The following AHNAK variants were observed in gnomAD, a reference collection of about 807,000 sequenced individuals.
AHNAK encodes neuroblast differentiation-associated protein AHNAK.
In AHNAK, 23 loss-of-function variants were observed where a neutral mutation model predicts 37.8. The observed-to-expected ratio is 0.61, with a 90% CI of 0.44 to 0.86. The LOEUF is 0.86. Ranked by LOEUF, AHNAK falls within the 40% of genes least tolerant of loss-of-function variation. The probability of loss-of-function intolerance (pLI) is 0.00; values close to 1 mark genes in which losing one functional copy is unlikely to be tolerated. For synonymous variants in AHNAK, 2,481 were observed against 2,636.3 expected (o/e 0.94, Z 1.80); for missense variants, 7,411 against 7,319.4 (o/e 1.01, Z -0.46).
rs554640035 is a variant in AHNAK at position 62,485,498 on chromosome 11, C to T, written c.442+6234G>A. ...CGGGCGGATCACAAGGTCAGGAGAT[C>T]GAGACCATCCTGGCTAACACGGTGA... On this transcript the variant is annotated intron_variant, in intron 5 of 5. Transcript: ENST00000257247. Among the ~76,000 whole-genome samples, 227 of 151,926 alleles carry T rather than the reference C, an allele frequency of 1.5e-3. 2 individuals carry two copies. Among genetic ancestry groups the T allele is most frequent in the African/African-American group, 5.2e-3 (217 of 41,444 alleles).
At chr11:62,535,231 C>A in intron 3 of AHNAK, 41 bp from the exon 4 acceptor site, 1 of 1,575,306 alleles carries the variant, frequency 6.3e-7, no homozygotes, top group Non-Finnish European at 8.7e-7. Flanking sequence ...GCCCAAAGAG[C>A]CTCAGGGAAA....
chr11:62,522,446 T>C lies in AHNAK; in HGVS notation c.11971A>G (p.Met3991Val), dbSNP rs1320869878. Residue 3991 changes from methionine to valine, a missense_variant, in exon 5 of 5, where the codon ATG becomes GTG. Physicochemically the swap from Met to Val is conservative, Grantham distance 21 (BLOSUM62 1). Transcript: ENST00000378024. ...GGGGCTTTGATGTTCATCTCTGGCA[T>C]CTTGAATTTAGGGCCCTTCAGTTTC... The part of the protein sequence containing the change: ...DAKLKGPKFK[M>V]PEMNIKAPKI... 3 of 1,613,718 alleles carry C rather than the reference T, an allele frequency of 1.9e-6. No homozygotes were observed. The East Asian group carries it at 6.7e-5, about 36-fold the overall frequency.
At chr11:62,447,950 A>G (rs895049367) in intron 5 of AHNAK, among the ~76,000 whole-genome samples, 12 of 152,112 alleles carry the variant, frequency 7.9e-5, no homozygotes, top group Admixed American at 7.2e-4. Flanking sequence ...TGACTGGCTA[A>G]AGAGGATGCT....
chr11:62,519,283 T>C lies in AHNAK; in HGVS notation c.15134A>G (p.Asn5045Ser). The C allele has an allele frequency of 1.2e-6, 2 of 1,614,148 alleles. No individual in the cohort carries two copies. Among genetic ancestry groups the C allele is most frequent in the South Asian group, 2.2e-5 (2 of 91,078 alleles). The part of the protein sequence containing the change: ...IKAKKQGFDL[N>S]VPGGEIDASL... Reference sequence around the variant, plus strand: ...GGCATCAATTTCACCCCCAGGAACATTCAGGTCAAATCCCTGTTTTTTGGC... The same window carrying C: ...GGCATCAATTTCACCCCCAGGAACACTCAGGTCAAATCCCTGTTTTTTGGC... The change falls in exon 5 of 5, where the codon AAT (asparagine) becomes AGT (serine). Residue 5045 changes from asparagine (N) to serine (S), a missense_variant. Asn to Ser is a conservative substitution (Grantham distance 46). Coordinates refer to ENST00000378024, the MANE Select transcript of AHNAK (RefSeq NM_001620.3).
At chr11:62,544,546 C>T (rs1471516832) in intron 1 of AHNAK, among the ~76,000 whole-genome samples, 1 of 152,160 alleles carries the variant, frequency 6.6e-6, no homozygotes, top group Non-Finnish European at 1.5e-5. Context: ...TAGCTCCACT[C>T]TTACCCTCCC....
intron 5 of AHNAK, among the ~76,000 whole-genome samples, chr11:62,445,710 C>T (rs1453912133): frequency 6.6e-6 from 1 of 151,792 alleles, no homozygotes. Context: ...CAGAGCAAGA[C>T]CCTGTCTCAA....
At position 62,521,999 on chromosome 11, in the gene AHNAK, C is replaced by A. The variant is rs1264222366; in HGVS notation, c.12418G>T (p.Gly4140Cys). Residue 4140 changes from glycine (G) to cysteine (C), a missense_variant, in exon 5 of 5, where the codon GGT becomes TGT. Transcript: ENST00000378024. Reference sequence around the variant, plus strand: ...TCCACGTCGCCCTTCATCTTTGGACCTTTCAGATTCAGGTCAACTTCAGGC... The same window carrying A: ...TCCACGTCGCCCTTCATCTTTGGACATTTCAGATTCAGGTCAACTTCAGGC... ...SMPEVDLNLK[G>C]PKMKGDVDVS... 1 of 1,613,834 alleles carries A rather than the reference C, an allele frequency of 6.2e-7. No homozygotes were observed. Among genetic ancestry groups the A allele is most frequent in the Admixed American group, 1.7e-5 (1 of 59,968 alleles).
At chr11:62,493,657 G>A (rs889154582) in intron 4 of AHNAK, among the ~76,000 whole-genome samples, 1 of 115,952 alleles carries the variant, frequency 8.6e-6, no homozygotes, top group African/African-American at 7.0e-5. Context: ...TTAAGAGATG[G>A]GGGGGGTCCC....
chr11:62,540,004 C>T (rs1362165962), intron 1 of AHNAK, among the ~76,000 whole-genome samples: 1 of 152,258 alleles, frequency 6.6e-6, no homozygotes, highest in Non-Finnish European at 1.5e-5. Flanking sequence ...TCCTCCACCT[C>T]TGGAGCCTGT....
At chr11:62,461,130 C>T (rs1409938782) in intron 5 of AHNAK, among the ~76,000 whole-genome samples, 4 of 143,710 alleles carry the variant, frequency 2.8e-5, no homozygotes, top group African/African-American at 5.3e-5. Flanking sequence ...CCACCACGCC[C>T]GGCCAAATTC....
intron 5 of AHNAK, among the ~76,000 whole-genome samples, chr11:62,480,760 TC>T (rs1321276682): frequency 6.9e-6 from 1 of 145,302 alleles, no homozygotes; most frequent in African/African-American, 2.6e-5. Context: ...AACAGGGCCT[TC>T]CTTCCTGAGC....
intron 1 of AHNAK, among the ~76,000 whole-genome samples, chr11:62,537,122 G>A (rs1012359713): frequency 2.0e-5 from 3 of 151,678 alleles, no homozygotes; most frequent in South Asian, 2.1e-4. Context: ...CACCACACCC[G>A]GCTAATTTTT....
At position 62,519,271 on chromosome 11, in the gene AHNAK, C is replaced by T. The variant is rs758346309; in HGVS notation, c.15146G>A (p.Gly5049Asp). Residue 5049 changes from glycine (G) to aspartate (D), a missense_variant, in exon 5 of 5, where the codon GGT becomes GAT. Physicochemically the swap from Gly to Asp is moderately conservative, Grantham distance 94 (BLOSUM62 -1). Coordinates refer to ENST00000378024, the MANE Select transcript of AHNAK (RefSeq NM_001620.3). ...KQGFDLNVPG[G>D]EIDASLKAPD... is the part of the protein sequence containing the mutation. Reference sequence around the variant, plus strand: ...AGCCTTGAGGCTGGCATCAATTTCACCCCCAGGAACATTCAGGTCAAATCC... The same window carrying T: ...AGCCTTGAGGCTGGCATCAATTTCATCCCCAGGAACATTCAGGTCAAATCC... 1.4e-5 allele frequency: 23 copies of T among 1,614,020 alleles called. No homozygotes were observed. Among genetic ancestry groups the T allele is most frequent in the Non-Finnish European group, 1.8e-5 (21 of 1,180,040 alleles).
chr11:62,472,009 C>T (rs1316546131), intron 5 of AHNAK, among the ~76,000 whole-genome samples: 3 of 152,132 alleles, frequency 2.0e-5, no homozygotes, highest in Non-Finnish European at 1.5e-5. Flanking sequence ...GTCATCTCCC[C>T]TTGGAGCCAG....
In AHNAK at chr11:62,521,246, C is replaced by G; in HGVS notation, c.13171G>C (p.Asp4391His). 3 of 1,613,982 alleles carry G rather than the reference C, an allele frequency of 1.9e-6. No homozygotes were observed. Among genetic ancestry groups the G allele is most frequent in the Non-Finnish European group, 2.5e-6 (3 of 1,179,996 alleles). ...KAPKISMPDI[D>H]FNLKGPKVKG... ...ACTTTGGGACCCTTCAAGTTAAAGT[C>G]AATGTCAGGCATGGAGATTTTGGGG... Residue 4391 changes from aspartate to histidine, a missense_variant, in exon 5 of 5, where the codon GAC (aspartate) becomes CAC (histidine). Asp to His is a moderately conservative substitution (Grantham distance 81, BLOSUM62 -1). Coordinates refer to ENST00000378024, the MANE Select transcript of AHNAK (RefSeq NM_001620.3).
intron 4 of AHNAK, among the ~76,000 whole-genome samples, chr11:62,503,393 C>T (rs1939749683): frequency 1.3e-5 from 2 of 152,110 alleles, no homozygotes; most frequent in South Asian, 4.1e-4. Flanking sequence ...CGAGACCAGC[C>T]TGGCCAACAT....
In AHNAK at chr11:62,533,703, A is replaced by C. The variant is rs769558225; in HGVS notation, c.714T>G (p.Gly238=). ...AISASGPELQ[G]AGHSKLQVTM... Reference sequence around the variant, plus strand: ...TGACCTGGAGCTTCGAGTGGCCAGCACCTTGGAGCTCTGGTCCTGAAGCAG... The same window carrying C: ...TGACCTGGAGCTTCGAGTGGCCAGCCCCTTGGAGCTCTGGTCCTGAAGCAG... The change falls in exon 5 of 5, where the codon GGT becomes GGG. Residue 238 remains glycine (G), a synonymous_variant. Transcript: ENST00000378024. 6.2e-7 allele frequency: 1 copy of C among 1,613,984 alleles called. No homozygotes were observed. Among genetic ancestry groups the C allele is most frequent in the South Asian group, 1.1e-5 (1 of 91,066 alleles).
chr11:62,517,812 A>G lies in AHNAK; in HGVS notation c.16605T>C (p.His5535=), dbSNP rs1940075551. 1 of 1,614,204 alleles carries G rather than the reference A, an allele frequency of 6.2e-7. No homozygotes were observed. Among genetic ancestry groups the G allele is most frequent in the African/African-American group, 1.3e-5 (1 of 75,042 alleles). Residue 5535 remains histidine (H), a synonymous_variant, in exon 5 of 5, where the codon CAT becomes CAC. Transcript: ENST00000378024. ...GGLKGSEVGF[H]GAAPDISVKG... Reference sequence around the variant, plus strand: ...TCACACTGATATCAGGAGCAGCCCCATGGAAACCTACTTCTGAACCTTTCA... The same window carrying G: ...TCACACTGATATCAGGAGCAGCCCCGTGGAAACCTACTTCTGAACCTTTCA...
At chr11:62,541,347 T>C (rs1049728166) in intron 1 of AHNAK, among the ~76,000 whole-genome samples, 4 of 152,176 alleles carry the variant, frequency 2.6e-5, no homozygotes, top group African/African-American at 9.7e-5. Context: ...CCGCCCAGCA[T>C]GGCAGCACGC....
Sources: gnomAD v4.1 joint callset for allele counts (sites outside exome capture counted in the v4.1 genomes callset) on GRCh38, gnomAD v4.1.1 for gene constraint, MANE v1.5 for transcripts, NCBI Gene and HGNC (gene_info 2026-07-23, HGNC 2026-07-21) for gene names.